PCDHGA6: variants seen among roughly 807,000 people sequenced by gnomAD.
PCDHGA6 encodes the protein protocadherin gamma subfamily A, 6.
A neutral mutation model predicts 60.6 loss-of-function variants in PCDHGA6; 41 were observed. That is an observed-to-expected ratio of 0.68 (90% CI 0.53 to 0.88). The LOEUF is 0.88. Ranked by LOEUF, PCDHGA6 falls within the 40% of genes least tolerant of loss-of-function variation. The pLI is 0.00. For missense variants in PCDHGA6, 1,312 were observed against 1,203.0 expected (o/e 1.09, Z -1.34); for synonymous variants, 594 against 524.4 (o/e 1.13, Z -1.81).
chr5:141,504,315 A>G (rs573050088), intron 2 of PCDHGA6, among the ~76,000 whole-genome samples: 1 of 152,248 alleles, frequency 6.6e-6, no homozygotes, highest in East Asian at 1.9e-4. Flanking sequence ...AGTTTCTAAA[A>G]GTCTCACTTA....
intron 1 of PCDHGA6, chr5:141,392,779 T>A: frequency 6.5e-7 from 1 of 1,534,720 alleles, no homozygotes; most frequent in Non-Finnish European, 8.8e-7. Flanking sequence ...TTATGCACAG[T>A]GAAGATTCTG....
intron 1 of PCDHGA6, among the ~76,000 whole-genome samples, chr5:141,381,821 TTC>T (rs1354203071): frequency 5.5e-5 from 7 of 126,128 alleles, no homozygotes; most frequent in African/African-American, 2.4e-4. Context: ...TCTTTCTTTC[TTC>T]TTCTTTTTTT....
chr5:141,382,749 G>C, intron 1 of PCDHGA6: 1 of 612,214 alleles, frequency 1.6e-6, no homozygotes, highest in Non-Finnish European at 2.8e-6. Context: ...GACAGATTGC[G>C]ATAAGCCCTC....
At chr5:141,412,264 CT>C (rs765219351) in intron 1 of PCDHGA6, 4 of 152,206 alleles carry the variant, frequency 2.6e-5, no homozygotes, top group Non-Finnish European at 4.4e-5. Context: ...TTTTCTAAAA[CT>C]TTTAGTACTT....
chr5:141,392,968 T>C (rs748824740), intron 1 of PCDHGA6: 1 of 1,613,910 alleles, frequency 6.2e-7, no homozygotes, highest in Non-Finnish European at 8.5e-7. Context: ...TCCAAGGACC[T>C]GGGGCTGGAC....
intron 1 of PCDHGA6, among the ~76,000 whole-genome samples, chr5:141,488,305 T>C (rs1452293355): frequency 6.6e-6 from 1 of 152,234 alleles, no homozygotes; most frequent in African/African-American, 2.4e-5. Context: ...AAATCACTTA[T>C]GTCAGAAAAC....
rs1005709757 is a variant in PCDHGA6 at position 141,495,051 on chromosome 5, A to G, written c.2483+186A>G. Among the ~76,000 whole-genome samples, 3 of 152,042 alleles carry G rather than the reference A, an allele frequency of 2.0e-5. No homozygotes were observed. In the East Asian group the frequency reaches 5.8e-4, roughly 29 times the overall value. On this transcript the variant is annotated intron_variant, in intron 2 of 3. Transcript: ENST00000517434. ...CCGGAAGGAAGAGGCGACTGCCCTG[A>G]CTGTTCAGGAAGCTCAATTCACATG... is the stretch of plus-strand genomic sequence containing the variant.
At chr5:141,418,672 G>A (rs1170411469) in intron 1 of PCDHGA6, 3 of 1,614,022 alleles carry the variant, frequency 1.9e-6, no homozygotes, top group Non-Finnish European at 2.5e-6. Context: ...ACCAGGACGA[G>A]GGCATCAACT....
intron 1 of PCDHGA6, among the ~76,000 whole-genome samples, chr5:141,457,926 GGGCTTTTATT>G (rs1398565105): frequency 6.6e-6 from 1 of 151,120 alleles, no homozygotes; most frequent in Non-Finnish European, 1.5e-5. Context: ...TCTCCCCAAG[GGGCTTTTATT>G]GGCTCTGCAT....
chr5:141,384,293 A>G, intron 1 of PCDHGA6: 1 of 1,613,660 alleles, frequency 6.2e-7, no homozygotes, highest in Non-Finnish European at 8.5e-7. Flanking sequence ...GCTGAGAACA[A>G]CCCCAGAGGG....
chr5:141,406,159 A>G (rs1237857279), intron 1 of PCDHGA6, among the ~76,000 whole-genome samples: 3 of 151,234 alleles, frequency 2.0e-5, no homozygotes, highest in Non-Finnish European at 2.9e-5. Context: ...TGCAGTCTCA[A>G]TCTCCTGGGC....
intron 1 of PCDHGA6, chr5:141,475,814 TC>T: frequency 3.0e-6 from 1 of 338,520 alleles, no homozygotes; most frequent in Non-Finnish European, 5.4e-6. Flanking sequence ...AAAGTGAAGT[TC>T]CTGGCGCTAG....
At chr5:141,414,285 A>G (rs766515802) in intron 1 of PCDHGA6, 1 of 1,613,634 alleles carries the variant, frequency 6.2e-7, no homozygotes, top group East Asian at 2.2e-5. Context: ...GAACAGTCGT[A>G]GCCCTTTTAA....
intron 1 of PCDHGA6, chr5:141,420,078 C>T (rs764695314): frequency 6.2e-7 from 1 of 1,614,008 alleles, no homozygotes; most frequent in Non-Finnish European, 8.5e-7. Context: ...CCTGTGGGTC[C>T]CCCCAACTAC....
At position 141,428,093 on chromosome 5, in the gene PCDHGA6, C is replaced by T. The variant is rs577985465; in HGVS notation, c.2424+51586C>T. On this transcript the variant is annotated intron_variant, in intron 1 of 3. Transcript: ENST00000517434. ...ATTCGGGACACAACGCTTGGCTGTC[C>T]TACCACGTGCTGCAGGCCATCGAGC... 2.4e-4 allele frequency: 380 copies of T among 1,608,880 alleles called. 2 individuals are homozygous for T. The South Asian group carries it at 4.0e-3, about 17-fold the overall frequency.
rs371823901 is a variant in PCDHGA6 at position 141,384,767 on chromosome 5, C to T, written c.2424+8260C>T. 6.8e-6 allele frequency: 11 copies of T among 1,613,806 alleles called. No individual in the cohort carries two copies. The African/African-American group carries it at 9.3e-5, about 14-fold the overall frequency. The stretch of plus-strand genomic sequence containing the variant: ...GGACTCTTTGCGGTTGGGCTGTACA[C>T]GGGCGAGGTGCGCACGGCTCGGGCC... On this transcript the variant is annotated intron_variant, in intron 1 of 3. Coordinates refer to ENST00000517434, the MANE Select transcript of PCDHGA6 (RefSeq NM_018919.3).
In PCDHGA6 at chr5:141,374,048, C is replaced by T. The variant is rs1406796976; in HGVS notation, c.-36C>T. ...AAAGTGATGCAGATCTGTTCTTCCT[C>T]TTCTTAATCCCAGAGAAGTTCCTAA... On this transcript the variant is annotated 5_prime_UTR_variant, in exon 1 of 4. Coordinates refer to ENST00000517434, the MANE Select transcript of PCDHGA6 (RefSeq NM_018919.3). The T allele has an allele frequency of 4.8e-6, 7 of 1,471,096 alleles. No homozygotes were observed. In the East Asian group the frequency reaches 1.4e-4, roughly 30 times the overall value. 91.1% of individuals were successfully genotyped at this position (1,471,096 alleles called of 1,614,324 possible).
At position 141,376,299 on chromosome 5, in the gene PCDHGA6, A is replaced by T. The variant is rs1314928354; in HGVS notation, c.2216A>T (p.His739Leu). 2 of 1,614,164 alleles carry T rather than the reference A, an allele frequency of 1.2e-6. No individual in the cohort carries two copies. The highest frequency in any genetic ancestry group is 1.7e-6 in the Non-Finnish European group (2 of 1,180,044). Residue 739 changes from histidine to leucine, a missense_variant, in exon 1 of 4, where the codon CAC becomes CTC. By Grantham distance (99) the His-to-Leu change is moderately conservative (BLOSUM62 -3). Coordinates refer to ENST00000517434, the MANE Select transcript of PCDHGA6 (RefSeq NM_018919.3). ...GGGLASMPGS[H>L]FVGVEGVRAF... ...GGCTTAGCGAGCATGCCCGGCTCGC[A>T]CTTTGTGGGCGTGGAAGGGGTTCGG...
At chr5:141,399,933 C>T in intron 1 of PCDHGA6, 5 of 1,612,358 alleles carry the variant, frequency 3.1e-6, no homozygotes, top group Non-Finnish European at 1.7e-6. Context: ...GGCTGTCCTA[C>T]CACGTGCTGC....
Sources: allele counts gnomAD v4.1 joint callset (sites outside exome capture counted in the v4.1 genomes callset), GRCh38; gene constraint gnomAD v4.1.1; transcripts MANE v1.5; gene names NCBI Gene and HGNC (gene_info 2026-07-23, HGNC 2026-07-21).